KAZN: variants seen among roughly 807,000 people sequenced by gnomAD.
The protein encoded by KAZN is kazrin, periplakin interacting protein, also known as kazrin.
Under a neutral mutation model 87.4 loss-of-function variants are expected in KAZN, and 40 were observed. The observed-to-expected ratio is 0.46, with a 90% CI of 0.36 to 0.60. The LOEUF (loss-of-function observed/expected upper bound fraction) is 0.60. KAZN is among the 20% of genes least tolerant of loss of function. The pLI is 0.00. For missense variants in KAZN, 898 were observed against 1,073.9 expected (o/e 0.84, Z 2.29); for synonymous variants, 466 against 458.3 (o/e 1.02, Z -0.22).
chr1:13,906,523 C>T (rs551413916), intron 1 of KAZN, among the ~76,000 whole-genome samples: 7 of 152,272 alleles, frequency 4.6e-5, no homozygotes, highest in East Asian at 1.9e-4. Context: ...TGGGCTGGAC[C>T]GGCCCAGGTT....
intron 1 of KAZN, among the ~76,000 whole-genome samples, chr1:14,772,883 C>T (rs1645058047): frequency 6.6e-6 from 1 of 152,032 alleles, no homozygotes; most frequent in South Asian, 2.1e-4. Context: ...CAGAATTTTC[C>T]ACTGGGGCAC....
intron 2 of KAZN, among the ~76,000 whole-genome samples, chr1:14,524,022 GTTTTGTT>G (rs1389694443): frequency 6.6e-6 from 1 of 151,446 alleles, no homozygotes; most frequent in East Asian, 1.9e-4. Flanking sequence ...GTTTTGTTTT[GTTTTGTT>G]TTGTTTTTAT....
chr1:14,942,859 G>A (rs1219231482), intron 1 of KAZN, among the ~76,000 whole-genome samples: 1 of 152,134 alleles, frequency 6.6e-6, no homozygotes, highest in Admixed American at 6.5e-5. Flanking sequence ...TCCTTGTCTG[G>A]GTTAGCAGGG....
At chr1:14,159,989 C>T (rs1165669448) in intron 1 of KAZN, among the ~76,000 whole-genome samples, 1 of 152,166 alleles carries the variant, frequency 6.6e-6, no homozygotes, top group African/African-American at 2.4e-5. Context: ...AGACTCTTCC[C>T]TTTCCTCTCC....
At chr1:14,364,368 G>A (rs1172891839) in intron 2 of KAZN, among the ~76,000 whole-genome samples, 1 of 152,268 alleles carries the variant, frequency 6.6e-6, no homozygotes, top group Middle Eastern at 3.4e-3. Flanking sequence ...CTGCCTCCTA[G>A]AGCCACTACA....
At chr1:14,762,967 G>A (rs1295955940) in intron 1 of KAZN, among the ~76,000 whole-genome samples, 4 of 152,140 alleles carry the variant, frequency 2.6e-5, no homozygotes, top group Admixed American at 6.5e-5. Context: ...ACACTCATCC[G>A]GTGACATTTC....
In KAZN at chr1:14,869,369, CA is replaced by C. The variant is rs1364108314; in HGVS notation, c.227-91314del. Reference sequence around the variant, plus strand: ...CTGGACTCTTTATGGAGCCTCAACGCAGGGGCTGTGACTGTATATTCTGCAC... The same window carrying C: ...CTGGACTCTTTATGGAGCCTCAACGCGGGGCTGTGACTGTATATTCTGCAC... On this transcript the variant is annotated intron_variant, in intron 1 of 14. Coordinates refer to ENST00000376030, the MANE Select transcript of KAZN (RefSeq NM_201628.3). Among the ~76,000 whole-genome samples the C allele has an allele frequency of 2.0e-5, 3 of 152,152 alleles. No homozygotes were observed. In the East Asian group the frequency reaches 5.8e-4, roughly 29 times the overall value.
intron 1 of KAZN, among the ~76,000 whole-genome samples, chr1:14,652,985 T>A (rs2148700381): frequency 6.6e-6 from 1 of 152,222 alleles, no homozygotes; most frequent in South Asian, 2.1e-4. Flanking sequence ...AAATGTAATA[T>A]GTCAAGCTGG....
chr1:14,657,984 C>T (rs1049689763), intron 1 of KAZN, among the ~76,000 whole-genome samples: 2 of 152,236 alleles, frequency 1.3e-5, no homozygotes, highest in African/African-American at 2.4e-5. Flanking sequence ...GAGACCAAGG[C>T]GTGGAGTCCA....
At chr1:14,185,287 AG>A (rs1198032762) in intron 2 of KAZN, among the ~76,000 whole-genome samples, 2 of 152,180 alleles carry the variant, frequency 1.3e-5, no homozygotes, top group Non-Finnish European at 2.9e-5. Context: ...AAACAGGCAA[AG>A]CTTTCATCCT....
chr1:15,001,567 A>G (rs949339318), intron 2 of KAZN, among the ~76,000 whole-genome samples: 6 of 152,056 alleles, frequency 3.9e-5, no homozygotes, highest in African/African-American at 1.4e-4. Context: ...CTGGACTGTG[A>G]GCAGTGCACA....
chr1:14,238,690 A>C (rs1169804256), intron 2 of KAZN, among the ~76,000 whole-genome samples: 2 of 152,250 alleles, frequency 1.3e-5, no homozygotes, highest in Admixed American at 6.5e-5. Context: ...CTCAGAGGGT[A>C]CTTGGCCAAG....
chr1:14,934,097 C>T (rs1269807069), intron 1 of KAZN, among the ~76,000 whole-genome samples: 10 of 152,024 alleles, frequency 6.6e-5, no homozygotes, highest in Admixed American at 3.9e-4. Context: ...CCTTGTGATC[C>T]GCCCGCCTCG....
At chr1:14,675,673 C>T (rs1044369117) in intron 1 of KAZN, among the ~76,000 whole-genome samples, 1 of 152,140 alleles carries the variant, frequency 6.6e-6, no homozygotes, top group African/African-American at 2.4e-5. Flanking sequence ...GAGCTGAACT[C>T]GGTCTTCTTC....
At chr1:14,829,020 G>A (rs1164235091) in intron 1 of KAZN, among the ~76,000 whole-genome samples, 1 of 152,218 alleles carries the variant, frequency 6.6e-6, no homozygotes, top group Non-Finnish European at 1.5e-5. Flanking sequence ...CTGAGAAAGC[G>A]AGGAACAGGA....
chr1:14,853,172 C>T (rs1454360018), intron 1 of KAZN, among the ~76,000 whole-genome samples: 1 of 152,152 alleles, frequency 6.6e-6, no homozygotes, highest in Non-Finnish European at 1.5e-5. Context: ...ATGAAGCAGA[C>T]TAGGTCCCTC....
chr1:15,100,435 G>GCCC (rs1356825750), intron 10 of KAZN, among the ~76,000 whole-genome samples: 1 of 152,132 alleles, frequency 6.6e-6, no homozygotes, highest in Non-Finnish European at 1.5e-5. Flanking sequence ...TGGCTTCGTG[G>GCCC]CCCCCTGCAC....
intron 1 of KAZN, among the ~76,000 whole-genome samples, chr1:14,759,598 G>T (rs1434813621): frequency 1.3e-5 from 2 of 152,120 alleles, no homozygotes; most frequent in African/African-American, 2.4e-5. Context: ...AGTGTGGCCA[G>T]CGTACCTGCA....
chr1:14,819,201 G>A (rs796099326), intron 1 of KAZN, among the ~76,000 whole-genome samples: 15 of 152,274 alleles, frequency 9.9e-5, no homozygotes, highest in East Asian at 1.9e-4. Context: ...AGAAGGACTC[G>A]TTCAATTTAC....
Sources: gnomAD v4.1 joint callset for allele counts (sites outside exome capture counted in the v4.1 genomes callset) on GRCh38, gnomAD v4.1.1 for gene constraint, MANE v1.5 for transcripts, NCBI Gene and HGNC (gene_info 2026-07-23, HGNC 2026-07-21) for gene names.